The following NRIP1 variants were observed in gnomAD, a reference collection of about 807,000 sequenced individuals.
NRIP1 encodes nuclear receptor-interacting protein 1.
In NRIP1, 28 loss-of-function variants were observed where a neutral mutation model predicts 75.0. That is an observed-to-expected ratio of 0.37 (90% CI 0.28 to 0.51). The LOEUF (loss-of-function observed/expected upper bound fraction) is 0.51. NRIP1 is among the 20% of genes least tolerant of loss of function. The probability of loss-of-function intolerance (pLI) is 0.92; values close to 1 mark genes in which losing one functional copy is unlikely to be tolerated. For synonymous variants in NRIP1, 526 were observed against 487.6 expected (o/e 1.08, Z -1.04); for missense variants, 1,435 against 1,343.7 (o/e 1.07, Z -1.06).
chr21:14,967,638 T>A lies in NRIP1; in HGVS notation c.555A>T (p.Leu185Phe). The A allele has an allele frequency of 6.2e-7, 1 of 1,613,880 alleles. No homozygotes were observed. The highest frequency in any genetic ancestry group is 1.7e-4 in the Middle Eastern group (1 of 6,056). Residue 185 changes from leucine to phenylalanine, a missense_variant, in exon 4 of 4, where the codon TTA becomes TTT. Coordinates refer to ENST00000318948, the MANE Select transcript of NRIP1 (RefSeq NM_003489.4). Reference sequence around the variant, plus strand: ...CTTTACTTTTCTTCAACAAAGTTTTTAAGTGACTTGATGCAACACCATAGC... The same window carrying A: ...CTTTACTTTTCTTCAACAAAGTTTTAAAGTGACTTGATGCAACACCATAGC... ...LRCYGVASSH[L>F]KTLLKKSKVK...
In NRIP1 at chr21:14,986,715, T is replaced by C. The variant is rs138920837; in HGVS notation, c.-334-18189A>G. On this transcript the variant is annotated intron_variant, in intron 3 of 3. Coordinates refer to ENST00000318948, the MANE Select transcript of NRIP1 (RefSeq NM_003489.4). ...ACATCAAATCAAATTTCCTTGTCTA[T>C]AATTAGAAAACGGAGATTTTTGGCA... 9.2e-5 allele frequency among the ~76,000 whole-genome samples: 14 copies of C among 152,284 alleles called. No individual in the cohort carries two copies. The East Asian group carries it at 2.7e-3, about 29-fold the overall frequency.
At chr21:15,047,569 A>T (rs901144342) in intron 1 of NRIP1, among the ~76,000 whole-genome samples, 3 of 152,086 alleles carry the variant, frequency 2.0e-5, no homozygotes, top group Non-Finnish European at 2.9e-5. Flanking sequence ...AAATTAAATT[A>T]AAAAACCATC....
chr21:15,014,525 T>C (rs2088179713), intron 2 of NRIP1, 59 bp from the exon 3 acceptor site: 6 of 398,162 alleles, frequency 1.5e-5, no homozygotes. Flanking sequence ...TGGAATACCT[T>C]TTGATCAAGT....
chr21:15,061,943 A>G (rs934808472), intron 1 of NRIP1, among the ~76,000 whole-genome samples: 1 of 152,242 alleles, frequency 6.6e-6, no homozygotes, highest in African/African-American at 2.4e-5. Flanking sequence ...TTAGATTGGC[A>G]TATTTTGCCT....
chr21:15,043,281 GTTTACTCTAAACCA>G (rs940864860), intron 2 of NRIP1, among the ~76,000 whole-genome samples, 200 bp downstream of exon 2: 4 of 152,058 alleles, frequency 2.6e-5, no homozygotes, highest in African/African-American at 9.7e-5. Context: ...GGTAAAACTG[GTTTACTCTAAACCA>G]GACGTTTTAT....
chr21:15,040,956 T>TAA (rs1430904460), intron 2 of NRIP1, among the ~76,000 whole-genome samples: 1 of 152,120 alleles, frequency 6.6e-6, no homozygotes, highest in Non-Finnish European at 1.5e-5. Flanking sequence ...CCTATTACTC[T>TAA]AAACACATGC....
At chr21:15,030,388 A>C (rs1352255743) in intron 2 of NRIP1, among the ~76,000 whole-genome samples, 1 of 152,232 alleles carries the variant, frequency 6.6e-6, no homozygotes, top group Non-Finnish European at 1.5e-5. Flanking sequence ...CACTGGGTTA[A>C]GTCAAACTAA....
intron 1 of NRIP1, among the ~76,000 whole-genome samples, chr21:15,056,517 A>T (rs554004198): frequency 7.9e-5 from 12 of 151,872 alleles, no homozygotes; most frequent in South Asian, 2.1e-4. Flanking sequence ...ATTTTTTTTT[A>T]AAAAGCATGG....
At chr21:15,005,847 A>C (rs1048844746) in intron 3 of NRIP1, among the ~76,000 whole-genome samples, 1 of 152,194 alleles carries the variant, frequency 6.6e-6, no homozygotes, top group African/African-American at 2.4e-5. Flanking sequence ...AGTTCTCAAA[A>C]GTAAACAACC....
chr21:15,063,859 T>A (rs533571931), intron 1 of NRIP1, among the ~76,000 whole-genome samples: 3 of 152,332 alleles, frequency 2.0e-5, no homozygotes, highest in East Asian at 3.9e-4. Context: ...ATTATTGACG[T>A]GATAAAAGGT....
Position 15,053,225 on chromosome 21 carries a change from C to A in NRIP1, c.-537-9651G>T, listed in dbSNP as rs185332923. On this transcript the variant is annotated intron_variant, in intron 1 of 3. Transcript: ENST00000318948. ...TTTATTAAAGGAGGAAAAAAGAGAA[C>A]GAGAGTTTAAAATTCACAGTGAATG... 6.8e-4 allele frequency among the ~76,000 whole-genome samples: 103 copies of A among 152,140 alleles called. 1 individual carries two copies. Among genetic ancestry groups the A allele is most frequent in the East Asian group, 2.3e-3 (12 of 5,174 alleles).
chr21:15,016,978 GAAAGAAAGA>G (rs1004932607), intron 2 of NRIP1, among the ~76,000 whole-genome samples: 132 of 150,384 alleles, frequency 8.8e-4, no homozygotes, highest in African/African-American at 3.1e-3. Flanking sequence ...AAAGAAAAGA[GAAAGAAAGA>G]AAAGAAAGAA....
chr21:15,061,470 G>T (rs2089421908), intron 1 of NRIP1, among the ~76,000 whole-genome samples: 1 of 152,134 alleles, frequency 6.6e-6, no homozygotes, highest in Non-Finnish European at 1.5e-5. Flanking sequence ...TTTAGAAAAG[G>T]GGAAGAGAGC....
chr21:15,036,588 G>T (rs558719771), intron 2 of NRIP1, among the ~76,000 whole-genome samples: 150 of 147,548 alleles, frequency 1.0e-3, no homozygotes, highest in African/African-American at 3.5e-3. Context: ...GATTTTGGGG[G>T]TTTTTTTGGA....
chr21:15,063,295 C>T (rs1978492261), intron 1 of NRIP1, among the ~76,000 whole-genome samples: 2 of 152,184 alleles, frequency 1.3e-5, no homozygotes, highest in Non-Finnish European at 2.9e-5. Context: ...CCGGGCAAAA[C>T]CAGAGCAACT....
intron 2 of NRIP1, among the ~76,000 whole-genome samples, chr21:15,032,941 G>C (rs965680059): frequency 1.3e-5 from 2 of 152,136 alleles, no homozygotes; most frequent in Non-Finnish European, 2.9e-5. Flanking sequence ...AAATTAAAAT[G>C]ATCACCGGGC....
chr21:14,976,635 T>C (rs1354318029), intron 3 of NRIP1, among the ~76,000 whole-genome samples: 2 of 152,164 alleles, frequency 1.3e-5, no homozygotes, highest in East Asian at 3.8e-4. Context: ...AAATGGTTTA[T>C]TAAACAAAGG....
At chr21:15,061,282 G>A (rs2012931) in intron 1 of NRIP1, among the ~76,000 whole-genome samples, 118,137 of 152,058 alleles carry the variant, frequency 0.78, 46,584 homozygotes, top group East Asian at 0.96. Flanking sequence ...ACAGTAAATC[G>A]TTATTAAACA....
intron 3 of NRIP1, among the ~76,000 whole-genome samples, chr21:15,010,637 CTA>C (rs2088080168): frequency 6.6e-6 from 1 of 152,182 alleles, no homozygotes. Flanking sequence ...TATTACTTTT[CTA>C]TGTTCATTAT....
Sources: gnomAD v4.1 joint callset for allele counts (sites outside exome capture counted in the v4.1 genomes callset) on GRCh38, gnomAD v4.1.1 for gene constraint, MANE v1.5 for transcripts, NCBI Gene and HGNC (gene_info 2026-07-23, HGNC 2026-07-21) for gene names.